Variants in ANKRD46 observed in about 807,000 individuals in gnomAD.
ANKRD46 encodes ankyrin repeat domain-containing protein 46.
Under a neutral mutation model 19.8 loss-of-function variants are expected in ANKRD46, and 13 were observed. That is an observed-to-expected ratio of 0.66 (90% CI 0.43 to 1.04). The LOEUF is 1.04. Among genes scored for constraint, ANKRD46 ranks in the 50% least tolerant of loss-of-function variants. The pLI, the probability that ANKRD46 is intolerant of heterozygous loss-of-function variation, is 0.00. For synonymous variants in ANKRD46, 91 were observed against 106.9 expected, an observed-to-expected ratio of 0.85 and a Z score of 0.92; for missense variants, 185 against 274.8, an observed-to-expected ratio of 0.67 and a Z score of 2.31.
At position 100,526,555 on chromosome 8, in the gene ANKRD46, C is replaced by G. The variant is rs1892739; in HGVS notation, c.470+1290G>C. Among the ~76,000 whole-genome samples the G allele has an allele frequency of 1.1e-4, 17 of 152,306 alleles. No homozygotes were observed. The East Asian group carries it at 3.3e-3, about 29-fold the overall frequency. On this transcript the variant is annotated intron_variant, in intron 4 of 4. Coordinates refer to ENST00000335659, the MANE Select transcript of ANKRD46 (RefSeq NM_001270377.2). The stretch of plus-strand genomic sequence containing the variant: ...GGGCTTGCAAATACATCTCTGACTT[C>G]TTGATTATCTATTTGTCAGCTTTCA...
rs1344644091 is a variant in ANKRD46, at chr8:100,528,511, GTTT to G, written c.312-511_312-509del. On this transcript the variant is annotated intron_variant, in intron 3 of 4. Coordinates refer to ENST00000335659, the MANE Select transcript of ANKRD46 (RefSeq NM_001270377.2). Reference sequence around the variant, plus strand: ...GTAGCTGAATTTTGAATTAACCCTTGTTTTTCTTTTTTTTTTTTTTTTTACTTC... The same window carrying G: ...GTAGCTGAATTTTGAATTAACCCTTGTTCTTTTTTTTTTTTTTTTTACTTC... Among the ~76,000 whole-genome samples, 27 of 142,564 alleles carry G rather than the reference GTTT, an allele frequency of 1.9e-4. No individual in the cohort carries two copies. In the East Asian group the frequency reaches 5.5e-3, roughly 29 times the overall value. 93.5% of individuals were successfully genotyped at this position (142,564 alleles called of 152,430 possible).
rs1306318088 is a variant in ANKRD46 at position 100,537,919 on chromosome 8, T to G, written c.-130-4608A>C. ...ATATTTAGCTTATATATTTCCAATA[T>G]GCCCTGCAGCTGCTGTAAGTTGTCA... On this transcript the variant is annotated intron_variant, in intron 1 of 4. Transcript: ENST00000335659. This position sits in a 1 kb window ranked among gnomAD's most constrained non-coding sequence, Gnocchi z 4.2. Among the ~76,000 whole-genome samples, 1 of 152,210 alleles carries G rather than the reference T, an allele frequency of 6.6e-6. No homozygotes were observed. Among genetic ancestry groups the G allele is most frequent in the Non-Finnish European group, 1.5e-5 (1 of 68,038 alleles).
chr8:100,540,382 T>A (rs1195636737), intron 1 of ANKRD46, among the ~76,000 whole-genome samples: 1 of 152,240 alleles, frequency 6.6e-6, no homozygotes, highest in Non-Finnish European at 1.5e-5. Flanking sequence ...GGAAATGTCT[T>A]TTACTTCACA....
intron 1 of ANKRD46, among the ~76,000 whole-genome samples, chr8:100,541,225 A>G (rs1474231153): frequency 6.6e-6 from 1 of 151,828 alleles, no homozygotes; most frequent in Non-Finnish European, 1.5e-5. Flanking sequence ...CATTAAACCC[A>G]CCTTAGCAGA....
In ANKRD46 at chr8:100,555,722, T is replaced by TAAAAAAAAAA. The variant is rs59521764; in HGVS notation, c.-131+3979_-131+3988dup. The stretch of plus-strand genomic sequence containing the variant: ...GCACCAACTTAATATTTTCCTCAGC[T>TAAAAAAAAAA]AAAAAAAAAAAAAAAAAAAAAAAAA... On this transcript the variant is annotated intron_variant, in intron 1 of 4. Transcript: ENST00000335659. 1.4e-3 allele frequency among the ~76,000 whole-genome samples: 75 copies of TAAAAAAAAAA among 53,304 alleles called. 14 individuals carry two copies. The highest frequency in any genetic ancestry group is 0.012 in the Middle Eastern group (1 of 82). The allele number at this position is 53,304 out of a possible 152,430, so 35.0% of individuals were successfully genotyped here.
chr8:100,529,897 A>C lies in ANKRD46; in HGVS notation c.-27-37T>G. The C allele has an allele frequency of 6.6e-7, 1 of 1,512,390 alleles. No individual in the cohort carries two copies. Among genetic ancestry groups the C allele is most frequent in the South Asian group, 1.3e-5 (1 of 79,580 alleles). The allele number at this position is 1,512,390 out of a possible 1,614,324, so 93.7% of individuals were successfully genotyped here. The stretch of plus-strand genomic sequence containing the variant: ...TAGGTGAGTGAGATTCCATGAAGAC[A>C]AATGAAATCAAGACAAAGGAGTCAT... On this transcript the variant is annotated intron_variant, in intron 2 of 4. Coordinates refer to ENST00000335659, the MANE Select transcript of ANKRD46 (RefSeq NM_001270377.2). The surrounding 1 kb of genome is among the most constrained non-coding windows in gnomAD (Gnocchi z 5.8).
intron 1 of ANKRD46, among the ~76,000 whole-genome samples, chr8:100,535,167 C>A (rs766655372): frequency 6.6e-6 from 1 of 152,152 alleles, no homozygotes; most frequent in Non-Finnish European, 1.5e-5. Context: ...ATTCATTAGA[C>A]TAAATTACTA....
chr8:100,533,914 C>T (rs1015671086), intron 1 of ANKRD46, among the ~76,000 whole-genome samples: 1 of 152,220 alleles, frequency 6.6e-6, no homozygotes, highest in African/African-American at 2.4e-5. Flanking sequence ...TAGCCTGACG[C>T]TGCTCCCCCA....
intron 2 of ANKRD46, among the ~76,000 whole-genome samples, chr8:100,530,780 T>C (rs887677329): frequency 2.0e-5 from 3 of 152,194 alleles, no homozygotes; most frequent in Admixed American, 2.0e-4. Flanking sequence ...TTTTCCACTA[T>C]TGATCTTATT....
chr8:100,537,460 A>G lies in ANKRD46; in HGVS notation c.-130-4149T>C, dbSNP rs796948182. 3.3e-5 allele frequency among the ~76,000 whole-genome samples: 5 copies of G among 152,360 alleles called. No homozygotes were observed. In the South Asian group the frequency reaches 1.0e-3, roughly 32 times the overall value. ...GTCAAAGAAAAGTACTAAAACTGTA[A>G]AAATGAATGATACACAGTAAATGAA... On this transcript the variant is annotated intron_variant, in intron 1 of 4. Transcript: ENST00000335659. This position sits in a 1 kb window ranked among gnomAD's most constrained non-coding sequence, Gnocchi z 4.2.
At chr8:100,514,617 CTTT>C (rs35216029) in intron 5 of ANKRD46, among the ~76,000 whole-genome samples, 12 of 74,030 alleles carry the variant, frequency 1.6e-4, no homozygotes, top group African/African-American at 4.5e-4. Flanking sequence ...CCTCCATCTT[CTTT>C]TTTTTTTTTT....
intron 4 of ANKRD46, 44 bp from the exon 5 acceptor site, chr8:100,522,815 C>T: frequency 6.7e-7 from 1 of 1,494,254 alleles, no homozygotes; most frequent in South Asian, 1.1e-5. Context: ...AAAAACACAG[C>T]AATTCCAAAA....
downstream of ANKRD46, among the ~76,000 whole-genome samples, chr8:100,518,452 T>C (rs1811668507): frequency 6.6e-6 from 1 of 152,188 alleles, no homozygotes; most frequent in Admixed American, 6.5e-5. Flanking sequence ...AATAACAAGA[T>C]TTTTGAAAAG....
At chr8:100,520,253 C>G (rs1185705843), downstream of ANKRD46, among the ~76,000 whole-genome samples, 2 of 152,106 alleles carry the variant, frequency 1.3e-5, no homozygotes, top group Admixed American at 6.5e-5. Context: ...TATAGGACCA[C>G]GAGTGGAAAA....
rs1563927374 is a variant in ANKRD46 at position 100,527,892 on chromosome 8, T to C, written c.423A>G (p.Arg141=). 2 of 1,613,738 alleles carry C rather than the reference T, an allele frequency of 1.2e-6. No individual in the cohort carries two copies. Among genetic ancestry groups the C allele is most frequent in the Admixed American group, 3.3e-5 (2 of 59,958 alleles). The change falls in exon 4 of 5, where the codon AGA becomes AGG. Residue 141 remains arginine (R), a synonymous_variant. Coordinates refer to ENST00000335659, the MANE Select transcript of ANKRD46 (RefSeq NM_001270377.2). The surrounding 1 kb of genome is among the most constrained non-coding windows in gnomAD (Gnocchi z 4.0). ...TGGTCTCCAGTTTCGAGTGGGTTCC[T>C]CTGTTAAATCCTTTCACCTCCTGTT... ...LEEQEVKGFN[R]GTHSKLETMQ...
chr8:100,521,620 G>A lies in ANKRD46; in HGVS notation c.*935C>T, dbSNP rs1811725793. On this transcript the variant is annotated 3_prime_UTR_variant, in exon 5 of 5. Coordinates refer to ENST00000335659, the MANE Select transcript of ANKRD46 (RefSeq NM_001270377.2). ...ATGGGATTGTTAAAAGTCTAACAGG[G>A]CCTCCAAATAGGATTGCACATGAAA... 1 of 985,386 alleles carries A rather than the reference G, an allele frequency of 1.0e-6. No homozygotes were observed. Among genetic ancestry groups the A allele is most frequent in the Non-Finnish European group, 1.2e-6 (1 of 829,914 alleles). 61.0% of individuals were successfully genotyped at this position (985,386 alleles called of 1,614,324 possible). A position where few individuals can be genotyped will look rare whatever the true frequency, so the allele number is the denominator to read the frequency against.
chr8:100,533,018 T>C (rs1811996012), intron 2 of ANKRD46, among the ~76,000 whole-genome samples, 191 bp downstream of exon 2: 1 of 152,232 alleles, frequency 6.6e-6, no homozygotes. Flanking sequence ...TCTGTGTCTA[T>C]TTTTCAGGTG....
chr8:100,525,969 T>C lies in ANKRD46; in HGVS notation c.470+1876A>G, dbSNP rs1237716501. 1.3e-5 allele frequency among the ~76,000 whole-genome samples: 2 copies of C among 152,178 alleles called. No homozygotes were observed. The highest frequency in any genetic ancestry group is 1.3e-4 in the Admixed American group (2 of 15,272). The stretch of plus-strand genomic sequence containing the variant: ...AGTGGCATTTCACTATGGTCCTCAT[T>C]TGCATTTTCCTAATGACATTACCTT... On this transcript the variant is annotated intron_variant, in intron 4 of 4. Coordinates refer to ENST00000335659, the MANE Select transcript of ANKRD46 (RefSeq NM_001270377.2). This position sits in a 1 kb window ranked among gnomAD's most constrained non-coding sequence, Gnocchi z 4.4.
chr8:100,533,947 TGA>T (rs1288835716), intron 1 of ANKRD46, among the ~76,000 whole-genome samples: 1 of 152,208 alleles, frequency 6.6e-6, no homozygotes, highest in South Asian at 2.1e-4. Context: ...TTCTCTGCAC[TGA>T]GAGAGACTAC....
Sources: allele counts gnomAD v4.1 joint callset (sites outside exome capture counted in the v4.1 genomes callset), GRCh38; gene constraint gnomAD v4.1.1; non-coding constraint Gnocchi (gnomAD v3.1); transcripts MANE v1.5; gene names NCBI Gene and HGNC (gene_info 2026-07-23, HGNC 2026-07-21).